SETX: variants seen among roughly 807,000 people sequenced by gnomAD.
SETX encodes the protein helicase senataxin.
SETX carries 90 observed loss-of-function variants against 227.2 expected under a neutral mutation model. The ratio of observed to expected loss-of-function variants is 0.40; its 90% CI spans 0.33 to 0.47. The LOEUF (loss-of-function observed/expected upper bound fraction) is 0.47, where lower values mean the gene tolerates loss of function less well. SETX is among the 20% of genes least tolerant of loss of function. The pLI is 0.91. For synonymous variants in SETX, 1,210 were observed against 1,113.2 expected, an observed-to-expected ratio of 1.09 and a Z score of -1.73; for missense variants, 3,052 against 3,181.5, an observed-to-expected ratio of 0.96 and a Z score of 0.98.
chr9:132,285,266 G>A (rs1700213391), intron 18 of SETX, among the ~76,000 whole-genome samples: 1 of 152,004 alleles, frequency 6.6e-6, no homozygotes, highest in South Asian at 2.1e-4. Flanking sequence ...CACCTTATAA[G>A]AAAGAATTTA....
Position 132,288,592 on chromosome 9 carries a change from C to T in SETX, c.6166G>A (p.Val2056Ile), listed in dbSNP as rs1479243922. The T allele has an allele frequency of 1.1e-5, 18 of 1,613,750 alleles. No homozygotes were observed. The highest frequency in any genetic ancestry group is 1.5e-5 in the Non-Finnish European group (18 of 1,179,888). ...TGGCTGTCCAAACTGAACTTTAGAA[C>T]CTCACTATTAATAGACTTTTCTGGA... ...LGPEKSINSE[V>I]LKFSLDSQVN... The change falls in exon 16 of 26, where the codon GTT becomes ATT. Residue 2056 changes from valine (V) to isoleucine (I), a missense_variant. Around this residue, in one of 10 missense-constraint regions of SETX, gnomAD observed 412 missense variants for 589.0 expected, o/e 0.70. Transcript: ENST00000224140.
chr9:132,272,437 C>G lies in SETX; in HGVS notation c.7101-629G>C, dbSNP rs1050513960. Among the ~76,000 whole-genome samples the G allele has an allele frequency of 2.0e-5, 3 of 151,760 alleles. No homozygotes were observed. The South Asian group carries it at 6.3e-4, about 32-fold the overall frequency. On this transcript the variant is annotated intron_variant, in intron 23 of 25. Transcript: ENST00000224140. ...ATGTTAGGATTATAGATGTGAGCCACCATGCCTGGCCTTACAGTCTTTATT... is the reference window on the plus strand; with the variant it reads ...ATGTTAGGATTATAGATGTGAGCCAGCATGCCTGGCCTTACAGTCTTTATT...
At chr9:132,350,816 G>A (rs1245618195) in intron 2 of SETX, among the ~76,000 whole-genome samples, 2 of 152,116 alleles carry the variant, frequency 1.3e-5, no homozygotes, top group African/African-American at 4.8e-5. Context: ...TTCTTTAGAA[G>A]AAATTTAATT....
At chr9:132,337,149 A>C (rs1017592860) in intron 5 of SETX, among the ~76,000 whole-genome samples, 5 of 152,038 alleles carry the variant, frequency 3.3e-5, no homozygotes, top group African/African-American at 1.2e-4. Context: ...TTTGTGGATG[A>C]AATGCTCTGA....
chr9:132,288,478 C>T (rs1483480884), intron 16 of SETX, 72 bp downstream of exon 16: 1 of 1,444,844 alleles, frequency 6.9e-7, no homozygotes, highest in South Asian at 1.2e-5. Flanking sequence ...TTCAAATTAC[C>T]TTTAGTGCCC....
Position 132,263,777 on chromosome 9 carries a change from C to T in SETX, c.*462G>A. ...TAAATAATTATCTGTCTTGCTCTAA[C>T]AATGGTTGAAAGGACCCGCCCTCCT... On this transcript the variant is annotated 3_prime_UTR_variant, in exon 26 of 26. Coordinates refer to ENST00000224140, the MANE Select transcript of SETX (RefSeq NM_015046.7). The T allele has an allele frequency of 5.5e-6, 1 of 180,884 alleles. No homozygotes were observed. The highest frequency in any genetic ancestry group is 1.6e-4 in the East Asian group (1 of 6,436). The allele number at this position is 180,884 out of a possible 1,614,324, so 11.2% of individuals were successfully genotyped here. A position where few individuals can be genotyped will look rare whatever the true frequency, so the allele number is the denominator to read the frequency against.
At chr9:132,313,030 G>A (rs780004347) in intron 10 of SETX, among the ~76,000 whole-genome samples, 3 of 152,166 alleles carry the variant, frequency 2.0e-5, no homozygotes, top group Non-Finnish European at 4.4e-5. Context: ...ATTTCCAGAA[G>A]AGGCAGATTT....
intron 22 of SETX, among the ~76,000 whole-genome samples, chr9:132,276,678 ACTTC>A (rs766365917): frequency 6.5e-4 from 99 of 152,162 alleles, no homozygotes; most frequent in Middle Eastern, 3.4e-3. Context: ...CTCTGTCACT[ACTTC>A]CTTCCTCCCT....
At chr9:132,331,515 A>T (rs753940013) in intron 7 of SETX, 67 bp from the exon 8 acceptor site, 70 of 1,531,536 alleles carry the variant, frequency 4.6e-5, no homozygotes, top group Non-Finnish European at 6.3e-5. Context: ...ATATATTGAG[A>T]ATTAAGCATA....
intron 10 of SETX, among the ~76,000 whole-genome samples, chr9:132,314,397 G>C (rs1420106018): frequency 6.6e-6 from 1 of 151,780 alleles, no homozygotes; most frequent in Non-Finnish European, 1.5e-5. Flanking sequence ...CCCACATTTT[G>C]TATTTTTAGT....
At chr9:132,332,706 G>A (rs950857944) in intron 7 of SETX, among the ~76,000 whole-genome samples, 1 of 152,188 alleles carries the variant, frequency 6.6e-6, no homozygotes, top group African/African-American at 2.4e-5. Flanking sequence ...AGGACTGCTT[G>A]AGGTCAGGAG....
chr9:132,281,351 C>T lies in SETX; in HGVS notation c.6654+116G>A, dbSNP rs149025310. 4,128 of 730,556 alleles carry T rather than the reference C, an allele frequency of 5.7e-3. 27 individuals are homozygous for T. Among genetic ancestry groups the T allele is most frequent in the Non-Finnish European group, 7.6e-3 (3,126 of 410,048 alleles). 45.3% of individuals were successfully genotyped at this position (730,556 alleles called of 1,614,324 possible). On this transcript the variant is annotated intron_variant, in intron 20 of 25. Transcript: ENST00000224140. The stretch of plus-strand genomic sequence containing the variant: ...AGTGCTTCTCTTTTCTTAGTTACTG[C>T]TTACTTTTCCCTCCAAATTAAGAGG...
intron 18 of SETX, 60 bp from the exon 19 acceptor site, chr9:132,283,473 C>T (rs1297130645): frequency 6.3e-7 from 1 of 1,579,016 alleles, no homozygotes; most frequent in East Asian, 2.2e-5. Flanking sequence ...CTATGACAGG[C>T]CTATGTTTAC....
At position 132,327,842 on chromosome 9, in the gene SETX, T is replaced by C; in HGVS notation, c.3756A>G (p.Gly1252=). 1.2e-6 allele frequency: 2 copies of C among 1,614,122 alleles called. No individual in the cohort carries two copies. The highest frequency in any genetic ancestry group is 2.2e-5 in the East Asian group (1 of 44,882). The stretch of plus-strand genomic sequence containing the variant: ...TTAGGTAATTTGAACTTCTATTCTG[T>C]CCTTTTTTGGCATCTGAATGAGTTT... The part of the protein sequence containing the change: ...PKKTHSDAKK[G]QNRSSNYLSC... Residue 1252 remains glycine, a synonymous_variant, in exon 10 of 26, where the codon GGA becomes GGG. Transcript: ENST00000224140.
At chr9:132,273,298 GAT>G (rs1842987364) in intron 23 of SETX, among the ~76,000 whole-genome samples, 1 of 152,126 alleles carries the variant, frequency 6.6e-6, no homozygotes, top group Non-Finnish European at 1.5e-5. Context: ...GAGTAGTTGG[GAT>G]TACAGGCGTG....
intron 6 of SETX, among the ~76,000 whole-genome samples, chr9:132,334,965 T>C (rs1847497081): frequency 1.3e-5 from 2 of 152,264 alleles, no homozygotes; most frequent in Non-Finnish European, 2.9e-5. Context: ...ACCATGTAAC[T>C]TGTATCTCAC....
chr9:132,313,283 G>A (rs1280278671), intron 10 of SETX, among the ~76,000 whole-genome samples: 1 of 151,944 alleles, frequency 6.6e-6, no homozygotes, highest in African/African-American at 2.4e-5. Context: ...GTACAACAAA[G>A]ATAAAAAAAA....
intron 10 of SETX, among the ~76,000 whole-genome samples, chr9:132,316,863 C>G (rs924100624): frequency 1.3e-5 from 2 of 152,220 alleles, no homozygotes; most frequent in East Asian, 1.9e-4. Flanking sequence ...AAGCAACTAT[C>G]ATTCCCCCCA....
At position 132,263,529 on chromosome 9, in the gene SETX, T is replaced by C. The variant is rs1842486838; in HGVS notation, c.*710A>G. ...AATTTTAGCTAGGGAACTATGTGCA[T>C]ACTGAAACAGGTAAATGAACTCATC... On this transcript the variant is annotated 3_prime_UTR_variant, in exon 26 of 26. Transcript: ENST00000224140. 1 of 152,234 alleles carries C rather than the reference T, an allele frequency of 6.6e-6. No homozygotes were observed. Among genetic ancestry groups the C allele is most frequent in the African/African-American group, 2.4e-5 (1 of 41,448 alleles). 9.4% of individuals were successfully genotyped at this position (152,234 alleles called of 1,614,324 possible). A position where few individuals can be genotyped will look rare whatever the true frequency, so the allele number is the denominator to read the frequency against.
Sources: allele counts gnomAD v4.1 joint callset (sites outside exome capture counted in the v4.1 genomes callset), GRCh38; gene constraint gnomAD v4.1.1; regional missense constraint gnomAD v4.1.1; transcripts MANE v1.5; gene names NCBI Gene and HGNC (gene_info 2026-07-23, HGNC 2026-07-21).